The following SULT4A1 variants were observed in gnomAD, a reference collection of about 807,000 sequenced individuals.
SULT4A1 encodes the protein sulfotransferase 4A1.
SULT4A1 carries 11 observed loss-of-function variants against 35.2 expected under a neutral mutation model. That is an observed-to-expected ratio of 0.31 (90% CI 0.20 to 0.52). The LOEUF is 0.52. SULT4A1 is among the 20% of genes least tolerant of loss of function. The pLI is 0.97. For synonymous variants in SULT4A1, 152 were observed against 151.8 expected (o/e 1.00, Z -0.01); for missense variants, 271 against 383.7 (o/e 0.71, Z 2.45).
In SULT4A1 at chr22:43,857,210, G is replaced by A. The variant is rs142949836; in HGVS notation, c.169+5004C>T. 5.3e-3 allele frequency among the ~76,000 whole-genome samples: 805 copies of A among 151,980 alleles called. 7 individuals are homozygous for A. The highest frequency in any genetic ancestry group is 0.019 in the African/African-American group (780 of 41,486). On this transcript the variant is annotated intron_variant, in intron 1 of 6. Coordinates refer to ENST00000330884, the MANE Select transcript of SULT4A1 (RefSeq NM_014351.4). ...AGAAAGGAGCAGTTAGCCACAGATC[G>A]GTCCACAGAGATTACCCAAACTGGA... is the stretch of plus-strand genomic sequence containing the variant.
chr22:43,826,333 TC>T, intron 6 of SULT4A1: 5 of 985,356 alleles, frequency 5.1e-6, no homozygotes, highest in Non-Finnish European at 6.0e-6. Context: ...TGAACCAGCT[TC>T]CCTCTGAGGC....
intron 1 of SULT4A1, among the ~76,000 whole-genome samples, chr22:43,845,833 G>T (rs1338679814): frequency 6.6e-6 from 1 of 152,118 alleles, no homozygotes; most frequent in East Asian, 1.9e-4. Context: ...GGGCTATGTG[G>T]TCCTCATGAG....
At chr22:43,826,487 T>C (rs763120) in intron 6 of SULT4A1, 107,131 of 985,122 alleles carry the variant, frequency 0.11, 6,253 homozygotes, top group East Asian at 0.27. Flanking sequence ...TTAATAAACA[T>C]CCCAGGAGCG....
intron 4 of SULT4A1, among the ~76,000 whole-genome samples, chr22:43,836,526 CCTCACA>C (rs1254754391): frequency 0.04 from 5,655 of 142,350 alleles, 766 homozygotes; most frequent in African/African-American, 0.051. Flanking sequence ...TACACAGCGT[CCTCACA>C]CTGCAGGTGC....
chr22:43,836,550 ATCCT>A (rs2063377566), intron 4 of SULT4A1, among the ~76,000 whole-genome samples: 8 of 126,884 alleles, frequency 6.3e-5, no homozygotes, highest in South Asian at 2.7e-4. Flanking sequence ...TGCCACAGGG[ATCCT>A]GTCTACACAG....
chr22:43,862,140 C>A, intron 1 of SULT4A1, 74 bp downstream of exon 1: 3 of 1,212,938 alleles, frequency 2.5e-6, no homozygotes, highest in Non-Finnish European at 3.1e-6. Context: ...GCCCCGGGCG[C>A]GGGCGCGGCG....
intron 1 of SULT4A1, among the ~76,000 whole-genome samples, chr22:43,858,477 G>GGGA (rs1423696102): frequency 1.3e-5 from 2 of 152,158 alleles, no homozygotes; most frequent in Non-Finnish European, 2.9e-5. Flanking sequence ...CAAAGGGGAA[G>GGGA]GGATGAGGGA....
chr22:43,853,278 G>A (rs2049364244), intron 1 of SULT4A1, among the ~76,000 whole-genome samples: 1 of 152,224 alleles, frequency 6.6e-6, no homozygotes, highest in Non-Finnish European at 1.5e-5. Flanking sequence ...CTCACTTGCG[G>A]GCTAAATCTC....
intron 1 of SULT4A1, among the ~76,000 whole-genome samples, chr22:43,850,786 A>G (rs2063505486): frequency 6.6e-6 from 1 of 152,042 alleles, no homozygotes; most frequent in African/African-American, 2.4e-5. Context: ...CATGTGAGGG[A>G]CAGTCTGGTC....
chr22:43,833,333 CA>C (rs1262622526), intron 5 of SULT4A1, among the ~76,000 whole-genome samples: 1 of 152,128 alleles, frequency 6.6e-6, no homozygotes, highest in Non-Finnish European at 1.5e-5. Flanking sequence ...AACGTCCCAT[CA>C]ACCACCACTG....
Position 43,828,154 on chromosome 22 carries a change from T to C in SULT4A1, c.742+906A>G, listed in dbSNP as rs535623865. Among the ~76,000 whole-genome samples, 3 of 152,328 alleles carry C rather than the reference T, an allele frequency of 2.0e-5. No homozygotes were observed. The South Asian group carries it at 6.2e-4, about 32-fold the overall frequency. On this transcript the variant is annotated intron_variant, in intron 6 of 6. Coordinates refer to ENST00000330884, the MANE Select transcript of SULT4A1 (RefSeq NM_014351.4). ...CCCAGGCATCTCCCACTCCATCTTGTGGGGCTGCTGCTGAACAGAGCCATC... is the reference window on the plus strand; with the variant it reads ...CCCAGGCATCTCCCACTCCATCTTGCGGGGCTGCTGCTGAACAGAGCCATC...
At chr22:43,827,364 G>T in intron 6 of SULT4A1, 1 of 1,143,316 alleles carries the variant, frequency 8.7e-7, no homozygotes, top group Non-Finnish European at 1.1e-6. Context: ...AATTATCAGT[G>T]TTGGAGAGAA....
intron 1 of SULT4A1, among the ~76,000 whole-genome samples, chr22:43,855,972 T>C (rs138099): frequency 0.24 from 35,918 of 152,114 alleles, 4,465 homozygotes; most frequent in African/African-American, 0.32. Context: ...AATGTTTCCA[T>C]GCTGGTAAAA....
At chr22:43,839,689 G>T (rs1002265558) in intron 3 of SULT4A1, among the ~76,000 whole-genome samples, 1 of 152,324 alleles carries the variant, frequency 6.6e-6, no homozygotes, top group South Asian at 2.1e-4. Flanking sequence ...CACGCCTGCT[G>T]GCCTGCTTTG....
intron 1 of SULT4A1, among the ~76,000 whole-genome samples, chr22:43,852,471 C>A (rs1217531897): frequency 2.6e-5 from 4 of 152,070 alleles, no homozygotes; most frequent in African/African-American, 9.7e-5. Context: ...AGCCACCACG[C>A]CTGGCCCACA....
intron 1 of SULT4A1, among the ~76,000 whole-genome samples, chr22:43,859,275 A>G (rs1481622676): frequency 6.6e-6 from 1 of 152,192 alleles, no homozygotes; most frequent in Non-Finnish European, 1.5e-5. Context: ...AAATCCTCTC[A>G]TTTTTAATGA....
intron 4 of SULT4A1, among the ~76,000 whole-genome samples, chr22:43,837,736 C>T (rs943201494): frequency 1.3e-5 from 2 of 152,180 alleles, no homozygotes; most frequent in East Asian, 1.9e-4. Context: ...TGCACCGCCC[C>T]GCCAAGAGGT....
chr22:43,835,897 G>C (rs2063367784), intron 4 of SULT4A1, among the ~76,000 whole-genome samples: 1 of 152,194 alleles, frequency 6.6e-6, no homozygotes, highest in Admixed American at 6.5e-5. Flanking sequence ...ACAGCAGGAG[G>C]GGGGACGGGA....
At chr22:43,826,394 G>A (rs1182359009) in intron 6 of SULT4A1, 5 of 985,214 alleles carry the variant, frequency 5.1e-6, no homozygotes, top group South Asian at 4.7e-5. Context: ...CACACCCCCC[G>A]CTGGGGCCCA....
Sources: allele counts gnomAD v4.1 joint callset (sites outside exome capture counted in the v4.1 genomes callset), GRCh38; gene constraint gnomAD v4.1.1; transcripts MANE v1.5; gene names NCBI Gene and HGNC (gene_info 2026-07-23, HGNC 2026-07-21).